The following POLE2 variants were observed in gnomAD, a reference collection of about 807,000 sequenced individuals.
POLE2 encodes DNA polymerase epsilon 2, accessory subunit, also known as DNA polymerase epsilon subunit 2.
A neutral mutation model predicts 79.4 loss-of-function variants in POLE2; 56 were observed. The observed-to-expected ratio is 0.71, with a 90% confidence interval of 0.57 to 0.88. POLE2 has a LOEUF of 0.88. Among genes scored for constraint, POLE2 ranks in the 40% least tolerant of loss-of-function variants. The probability of loss-of-function intolerance (pLI) is 0.00; values close to 1 mark genes in which losing one functional copy is unlikely to be tolerated. For synonymous variants in POLE2, 212 were observed against 214.0 expected, an observed-to-expected ratio of 0.99 and a Z score of 0.08; for missense variants, 598 against 638.9, an observed-to-expected ratio of 0.94 and a Z score of 0.69.
At chr14:49,666,912 C>G (rs1029023763) in intron 6 of POLE2, among the ~76,000 whole-genome samples, 1 of 152,058 alleles carries the variant, frequency 6.6e-6, no homozygotes, top group East Asian at 1.9e-4. Context: ...TGTAAAAAAT[C>G]CTTTCCGGCC....
In POLE2 at chr14:49,674,358, T is replaced by C. The variant is rs1886104216; in HGVS notation, c.315A>G (p.Lys105=). 3 of 1,598,806 alleles carry C rather than the reference T, an allele frequency of 1.9e-6. No individual in the cohort carries two copies. Among genetic ancestry groups the C allele is most frequent in the East Asian group, 2.2e-5 (1 of 44,776 alleles). The part of the protein sequence containing the change: ...PRFVYNSERK[K]FLPLLMTNHP... ...GTGGATGACATACTTACGGAAGAAA[T>C]TTTTTTCTTTCTGAATTGTACACAA... is the stretch of plus-strand genomic sequence containing the variant. Residue 105 remains lysine, a synonymous_variant, in exon 4 of 19, where the codon AAA becomes AAG. Transcript: ENST00000216367.
At chr14:49,686,484 T>C (rs181222933) in intron 1 of POLE2, among the ~76,000 whole-genome samples, 38 of 152,280 alleles carry the variant, frequency 2.5e-4, no homozygotes, top group African/African-American at 8.7e-4. Flanking sequence ...ACATTTGAGA[T>C]GATCCATCTT....
chr14:49,644,391 T>C (rs1447020546), intron 18 of POLE2, among the ~76,000 whole-genome samples: 1 of 151,006 alleles, frequency 6.6e-6, no homozygotes, highest in Non-Finnish European at 1.5e-5. Flanking sequence ...ATGCCTGTAA[T>C]CCCAGCTACT....
intron 11 of POLE2, 52 bp from the exon 12 acceptor site, chr14:49,655,146 T>G: frequency 1.3e-6 from 1 of 748,536 alleles, no homozygotes; most frequent in Admixed American, 3.1e-5. Context: ...ACAAATCAAG[T>G]TAAAAACCCT....
chr14:49,669,866 T>G (rs1391307473), intron 5 of POLE2, among the ~76,000 whole-genome samples: 2 of 152,114 alleles, frequency 1.3e-5, no homozygotes, highest in Non-Finnish European at 2.9e-5. Context: ...AACAACCAAG[T>G]GTCACCCTGA....
intron 2 of POLE2, among the ~76,000 whole-genome samples, chr14:49,680,107 T>C (rs1033610490): frequency 6.6e-6 from 1 of 152,230 alleles, no homozygotes; most frequent in African/African-American, 2.4e-5. Flanking sequence ...CCTAACACTT[T>C]GGGAGGCCAA....
intron 10 of POLE2, among the ~76,000 whole-genome samples, chr14:49,656,127 G>A (rs542863345): frequency 6.6e-6 from 1 of 152,070 alleles, no homozygotes; most frequent in Non-Finnish European, 1.5e-5. Flanking sequence ...AGGCCGAGGC[G>A]GGCGGATCAC....
intron 11 of POLE2, 141 bp from the exon 12 acceptor site, chr14:49,655,235 A>T (rs1413353901): frequency 3.2e-6 from 1 of 314,920 alleles, no homozygotes; most frequent in Admixed American, 4.9e-5. Context: ...AATACTAATA[A>T]CAGTAGCCAT....
At chr14:49,655,162 C>T (rs1344954057) in intron 11 of POLE2, 68 bp from the exon 12 acceptor site, 7 of 562,664 alleles carry the variant, frequency 1.2e-5, no homozygotes, top group Non-Finnish European at 1.7e-5. Context: ...ACCCTTTAAC[C>T]ATGACTTTCT....
intron 8 of POLE2, 126 bp from the exon 9 acceptor site, chr14:49,664,800 C>T (rs1885360960): frequency 1.5e-6 from 1 of 683,830 alleles, no homozygotes; most frequent in African/African-American, 1.8e-5. Context: ...GTGAATAGAC[C>T]ACAGCTTAGA....
intron 18 of POLE2, among the ~76,000 whole-genome samples, chr14:49,644,581 AG>A (rs1883626359): frequency 6.6e-6 from 1 of 152,066 alleles, no homozygotes; most frequent in African/African-American, 2.4e-5. Context: ...AAAAACATAC[AG>A]AAGTGATAGG....
At position 49,664,497 on chromosome 14, in the gene POLE2, T is replaced by C. The variant is rs1374516296; in HGVS notation, c.682+129A>G. 5 of 698,984 alleles carry C rather than the reference T, an allele frequency of 7.2e-6. No homozygotes were observed. In the East Asian group the frequency reaches 1.3e-4, roughly 18 times the overall value. The allele number at this position is 698,984 out of a possible 1,614,324, so 43.3% of individuals were successfully genotyped here. On this transcript the variant is annotated intron_variant, in intron 9 of 18. Transcript: ENST00000216367. ...ATTAGCCCATTAACAGTCTAAGAGTTATTTTGCCAAAAATATGCTCTTCTA... is the reference window on the plus strand; with the variant it reads ...ATTAGCCCATTAACAGTCTAAGAGTCATTTTGCCAAAAATATGCTCTTCTA...
chr14:49,670,557 G>A (rs1885813436), intron 5 of POLE2, among the ~76,000 whole-genome samples: 2 of 152,032 alleles, frequency 1.3e-5, no homozygotes, highest in African/African-American at 2.4e-5. Context: ...GGAATTCAAG[G>A]TCTAGAAAAT....
intron 17 of POLE2, chr14:49,649,986 T>C (rs1306781665): frequency 5.4e-6 from 1 of 183,566 alleles, no homozygotes; most frequent in Admixed American, 6.2e-5. Context: ...AGATAAGTTC[T>C]GAAGAGGAGA....
intron 1 of POLE2, among the ~76,000 whole-genome samples, chr14:49,685,802 T>C (rs1887091941): frequency 6.6e-6 from 1 of 151,568 alleles, no homozygotes; most frequent in African/African-American, 2.4e-5. Flanking sequence ...TTTTTTTTTG[T>C]ATTTTTAGTA....
chr14:49,651,547 C>G, intron 15 of POLE2, 170 bp from the exon 16 acceptor site: 1 of 436,476 alleles, frequency 2.3e-6, no homozygotes, highest in African/African-American at 2.0e-5. Flanking sequence ...GTATTGAGCT[C>G]TTAATATATG....
In POLE2 at chr14:49,655,654, A is replaced by G; in HGVS notation, c.928+17T>C. ...CCTTAAAAGAGTTCAAGAAAGAAGA[A>G]AAAAAATAAGACCTACCAGCAAACA... On this transcript the variant is annotated intron_variant, in intron 11 of 18. Coordinates refer to ENST00000216367, the MANE Select transcript of POLE2 (RefSeq NM_002692.4). 6.3e-7 allele frequency: 1 copy of G among 1,579,314 alleles called. No individual in the cohort carries two copies. The highest frequency in any genetic ancestry group is 2.2e-5 in the East Asian group (1 of 44,544).
chr14:49,655,415 T>C (rs181036333), intron 11 of POLE2, among the ~76,000 whole-genome samples: 129 of 151,596 alleles, frequency 8.5e-4, no homozygotes, highest in African/African-American at 3.0e-3. Context: ...GTTGTCCAGC[T>C]GGTCTTGAAC....
intron 5 of POLE2, among the ~76,000 whole-genome samples, chr14:49,671,507 C>T (rs1455736776): frequency 6.6e-6 from 1 of 151,352 alleles, no homozygotes; most frequent in Non-Finnish European, 1.5e-5. Flanking sequence ...GTCCCAGCTA[C>T]TCGGGAGGCT....
Sources: allele counts gnomAD v4.1 joint callset (sites outside exome capture counted in the v4.1 genomes callset), GRCh38; gene constraint gnomAD v4.1.1; transcripts MANE v1.5; gene names NCBI Gene and HGNC (gene_info 2026-07-23, HGNC 2026-07-21).